Variants in ZFAND5 observed in about 807,000 individuals in gnomAD.
ZFAND5 encodes the protein AN1-type zinc finger protein 5.
Under a neutral mutation model 23.6 loss-of-function variants are expected in ZFAND5, and 4 were observed. The observed-to-expected ratio is 0.17, with a 90% confidence interval of 0.08 to 0.39. The LOEUF (loss-of-function observed/expected upper bound fraction) is 0.39, where lower values mean the gene tolerates loss of function less well. ZFAND5 is among the 10% of genes least tolerant of loss of function. The pLI is 1.00. For synonymous variants in ZFAND5, 68 were observed against 80.6 expected, an observed-to-expected ratio of 0.84 and a Z score of 0.84; for missense variants, 161 against 253.7, an observed-to-expected ratio of 0.63 and a Z score of 2.48.
chr9:72,357,878 G>T (rs193184962), intron 5 of ZFAND5, among the ~76,000 whole-genome samples: 4 of 152,032 alleles, frequency 2.6e-5, no homozygotes, highest in Admixed American at 1.3e-4. Context: ...TTCTCACAAT[G>T]AACAAAAAAT....
rs547579669 is a variant in ZFAND5, at chr9:72,354,540, A to C, written c.*1413T>G. 1 of 152,654 alleles carries C rather than the reference A, an allele frequency of 6.6e-6. No homozygotes were observed. Among genetic ancestry groups the C allele is most frequent in the Non-Finnish European group, 1.5e-5 (1 of 68,038 alleles). 9.5% of individuals were successfully genotyped at this position (152,654 alleles called of 1,614,324 possible). A position where few individuals can be genotyped will look rare whatever the true frequency, so the allele number is the denominator to read the frequency against. ...ATAGCATGATTATGTGCAATACATA[A>C]ATATGAACTATCTGTACACATCTGC... On this transcript the variant is annotated 3_prime_UTR_variant, in exon 7 of 7. Transcript: ENST00000376962.
At chr9:72,362,335 T>C (rs1193784117) in intron 2 of ZFAND5, among the ~76,000 whole-genome samples, 1 of 152,194 alleles carries the variant, frequency 6.6e-6, no homozygotes, top group African/African-American at 2.4e-5. Context: ...ATGATAAATA[T>C]GTATGTATTT....
chr9:72,362,189 A>C (rs921120471), intron 2 of ZFAND5, among the ~76,000 whole-genome samples: 2 of 152,234 alleles, frequency 1.3e-5, no homozygotes, highest in Non-Finnish European at 2.9e-5. Context: ...TGTCTCTTTA[A>C]ATATTAACTG....
chr9:72,360,062 G>C, intron 4 of ZFAND5, 48 bp downstream of exon 4: 1 of 1,510,408 alleles, frequency 6.6e-7, no homozygotes, highest in Non-Finnish European at 9.1e-7. Context: ...CAGACATCTT[G>C]ATTTCTTCTT....
Position 72,354,940 on chromosome 9 carries a change from G to C in ZFAND5, c.*1013C>G, listed in dbSNP as rs959010113. ...GTACAATATGATAAAGCAGCCCTCT[G>C]CAAGTGGTGCTGGATACCACTAAGA... On this transcript the variant is annotated 3_prime_UTR_variant, in exon 7 of 7. Transcript: ENST00000376962. 1 of 152,628 alleles carries C rather than the reference G, an allele frequency of 6.6e-6. No homozygotes were observed. The highest frequency in any genetic ancestry group is 2.4e-5 in the African/African-American group (1 of 41,452). The allele number at this position is 152,628 out of a possible 1,614,324, so 9.5% of individuals were successfully genotyped here. A position where few individuals can be genotyped will look rare whatever the true frequency, so the allele number is the denominator to read the frequency against.
At chr9:72,361,184 ACT>A (rs1842087699) in intron 2 of ZFAND5, among the ~76,000 whole-genome samples, 2 of 152,234 alleles carry the variant, frequency 1.3e-5, no homozygotes, top group African/African-American at 4.8e-5. Flanking sequence ...CACAATTATC[ACT>A]GAGTCTTGAT....
At position 72,357,007 on chromosome 9, in the gene ZFAND5, A is replaced by T. The variant is rs759485299; in HGVS notation, c.417T>A (p.Ser139Arg). 5.8e-5 allele frequency: 94 copies of T among 1,613,606 alleles called. No homozygotes were observed. The highest frequency in any genetic ancestry group is 4.9e-4 in the Middle Eastern group (3 of 6,062). ...TGGGCAATTCAGGAGCTTTTTCTTC[A>T]CTCTGAGAAGTACTGGGCTGAGAAA... Reference protein sequence around the residue: ...PSVSQPSTSQSEEKAPELPKP... With the variant: ...PSVSQPSTSQREEKAPELPKP... The change falls in exon 6 of 7, where the codon AGT becomes AGA. Residue 139 changes from serine (S) to arginine (R), a missense_variant. Coordinates refer to ENST00000376962, the MANE Select transcript of ZFAND5 (RefSeq NM_001102420.3).
intron 1 of ZFAND5, chr9:72,363,931 C>T (rs73647916): frequency 0.03 from 4,603 of 152,910 alleles, 223 homozygotes; most frequent in African/African-American, 0.1. Flanking sequence ...GAAAACACAC[C>T]TCCACGGAGT....
At position 72,365,159 on chromosome 9, in the gene ZFAND5, AGCGAGCCC is replaced by A. The variant is rs1160425421; in HGVS notation, c.-618_-611del. The A allele has an allele frequency of 6.6e-6, 1 of 152,182 alleles. No homozygotes were observed. Among genetic ancestry groups the A allele is most frequent in the East Asian group, 1.9e-4 (1 of 5,150 alleles). The allele number at this position is 152,182 out of a possible 1,614,324, so 9.4% of individuals were successfully genotyped here. A position where few individuals can be genotyped will look rare whatever the true frequency, so the allele number is the denominator to read the frequency against. ...GGAAGCTGCGCGGCTCCCGGGAGCGAGCGAGCCCGCGTAGGAGATGCACACAGCTCCGC... is the reference window on the plus strand; with the variant it reads ...GGAAGCTGCGCGGCTCCCGGGAGCGAGCGTAGGAGATGCACACAGCTCCGC... On this transcript the variant is annotated 5_prime_UTR_variant, in exon 1 of 7. Coordinates refer to ENST00000376962, the MANE Select transcript of ZFAND5 (RefSeq NM_001102420.3).
chr9:72,364,415 T>A (rs1413052085), intron 1 of ZFAND5: 1 of 1,250,204 alleles, frequency 8.0e-7, no homozygotes, highest in South Asian at 1.3e-5. Flanking sequence ...GCGAGCGGCC[T>A]AGAGGCCGGC....
rs1841767916 is a variant in ZFAND5, at chr9:72,351,514, T to C, written c.*4439A>G. Reference sequence around the variant, plus strand: ...AAAACACAGAAACAGTCTTTGCTTTTATATAAATTTAAAACCAGCACTTGT... The same window carrying C: ...AAAACACAGAAACAGTCTTTGCTTTCATATAAATTTAAAACCAGCACTTGT... On this transcript the variant is annotated 3_prime_UTR_variant, in exon 7 of 7. Transcript: ENST00000376962. The C allele has an allele frequency of 6.6e-6, 1 of 151,860 alleles. No individual in the cohort carries two copies. Among genetic ancestry groups the C allele is most frequent in the African/African-American group, 2.4e-5 (1 of 41,376 alleles). The allele number at this position is 151,860 out of a possible 1,614,324, so 9.4% of individuals were successfully genotyped here.
intron 2 of ZFAND5, 117 bp from the exon 3 acceptor site, chr9:72,360,904 A>T (rs1454122145): frequency 2.2e-6 from 2 of 913,598 alleles, no homozygotes; most frequent in Non-Finnish European, 3.1e-6. Context: ...AAATTCCGTT[A>T]ATCATTAAAA....
At chr9:72,360,015 A>T in intron 4 of ZFAND5, 95 bp downstream of exon 4, 1 of 1,044,150 alleles carries the variant, frequency 9.6e-7, no homozygotes. Flanking sequence ...TCGATTGCAA[A>T]GCCAAGGGTA....
intron 6 of ZFAND5, among the ~76,000 whole-genome samples, 168 bp downstream of exon 6, chr9:72,356,763 C>G (rs1327037582): frequency 6.6e-6 from 1 of 151,518 alleles, no homozygotes; most frequent in African/African-American, 2.4e-5. Context: ...GAAGTAAAAC[C>G]CAACTTCTTT....
Position 72,364,407 on chromosome 9 carries a change from G to A in ZFAND5, c.-147+289C>T, listed in dbSNP as rs961849760. On this transcript the variant is annotated intron_variant, in intron 1 of 6. Coordinates refer to ENST00000376962, the MANE Select transcript of ZFAND5 (RefSeq NM_001102420.3). ...CCACGCCGGGCGCCGCCGCGGAGGCGAGCGGCCTAGAGGCCGGCCCCGCAG... is the reference window on the plus strand; with the variant it reads ...CCACGCCGGGCGCCGCCGCGGAGGCAAGCGGCCTAGAGGCCGGCCCCGCAG... The A allele has an allele frequency of 8.0e-5, 97 of 1,208,884 alleles. 1 individual carries two copies. The highest frequency in any genetic ancestry group is 1.8e-4 in the Admixed American group (5 of 27,720). 74.9% of individuals were successfully genotyped at this position (1,208,884 alleles called of 1,614,324 possible).
chr9:72,355,342 T>G lies in ZFAND5; in HGVS notation c.*611A>C, dbSNP rs141359057. ...TTGATGGTTTTACTTATAACCAGTT[T>G]CGATGTTTACCTTTCACAGAATGTC... On this transcript the variant is annotated 3_prime_UTR_variant, in exon 7 of 7. Transcript: ENST00000376962. 2.8e-3 allele frequency: 426 copies of G among 152,826 alleles called. No individual in the cohort carries two copies. The highest frequency in any genetic ancestry group is 5.3e-3 in the Non-Finnish European group (361 of 68,068). 9.5% of individuals were successfully genotyped at this position (152,826 alleles called of 1,614,324 possible). A position where few individuals can be genotyped will look rare whatever the true frequency, so the allele number is the denominator to read the frequency against.
intron 2 of ZFAND5, among the ~76,000 whole-genome samples, chr9:72,361,535 C>A (rs181204111): frequency 2.0e-5 from 3 of 152,318 alleles, no homozygotes; most frequent in South Asian, 4.1e-4. Flanking sequence ...TTAATTTTAA[C>A]AAGTGCTTGT....
In ZFAND5 at chr9:72,364,706, C is replaced by T. The variant is rs1487822401; in HGVS notation, c.-157G>A. The T allele has an allele frequency of 5.5e-6, 5 of 903,842 alleles. No individual in the cohort carries two copies. The highest frequency in any genetic ancestry group is 5.5e-5 in the African/African-American group (3 of 54,314). The allele number at this position is 903,842 out of a possible 1,614,324, so 56.0% of individuals were successfully genotyped here. On this transcript the variant is annotated 5_prime_UTR_variant, in exon 1 of 7. Coordinates refer to ENST00000376962, the MANE Select transcript of ZFAND5 (RefSeq NM_001102420.3). ...CCCCGTATCACTCACCCTGCAGGGTCCCAAATGCGAAAGCCGGGTTCGCGC... is the reference window on the plus strand; with the variant it reads ...CCCCGTATCACTCACCCTGCAGGGTTCCAAATGCGAAAGCCGGGTTCGCGC...
chr9:72,360,123 A>T lies in ZFAND5; in HGVS notation c.250T>A (p.Ser84Thr), dbSNP rs771665248. Residue 84 changes from serine to threonine, a missense_variant, in exon 4 of 7, where the codon TCT becomes ACT. This residue lies in a region of ZFAND5 where 116 missense variants were observed against 115.2 expected (regional missense o/e 1.01). Coordinates refer to ENST00000376962, the MANE Select transcript of ZFAND5 (RefSeq NM_001102420.3). ...NNCEGAAGST[S>T]EKSRNVPVAA... Reference sequence around the variant, plus strand: ...GTTCAATCTTACCTTGATTTTTCAGATGTGCTGCCAGCAGCACCTTCACAG... The same window carrying T: ...GTTCAATCTTACCTTGATTTTTCAGTTGTGCTGCCAGCAGCACCTTCACAG... The T allele has an allele frequency of 6.2e-7, 1 of 1,610,382 alleles. No homozygotes were observed. Among genetic ancestry groups the T allele is most frequent in the South Asian group, 1.1e-5 (1 of 90,670 alleles).
Sources: gnomAD v4.1 joint callset for allele counts (sites outside exome capture counted in the v4.1 genomes callset) on GRCh38, gnomAD v4.1.1 for gene constraint, gnomAD v4.1.1 regional missense constraint, MANE v1.5 for transcripts, NCBI Gene and HGNC (gene_info 2026-07-23, HGNC 2026-07-21) for gene names.